GLIS3: variants seen among roughly 807,000 people sequenced by gnomAD.
GLIS3 encodes the protein zinc finger protein GLIS3.
Under a neutral mutation model 78.6 loss-of-function variants are expected in GLIS3, and 53 were observed. The ratio of observed to expected loss-of-function variants is 0.67; its 90% CI spans 0.54 to 0.85. The LOEUF is 0.85. Among genes scored for constraint, GLIS3 ranks in the 40% least tolerant of loss-of-function variants. The probability of loss-of-function intolerance (pLI) is 0.00; values close to 1 mark genes in which losing one functional copy is unlikely to be tolerated. For missense variants in GLIS3, 1,703 were observed against 1,231.1 expected, an observed-to-expected ratio of 1.38 and a Z score of -5.74; for synonymous variants, 684 against 509.9, an observed-to-expected ratio of 1.34 and a Z score of -4.60.
chr9:3,886,778 C>T (rs1035125637), intron 7 of GLIS3, among the ~76,000 whole-genome samples: 1 of 152,126 alleles, frequency 6.6e-6, no homozygotes, highest in Non-Finnish European at 1.5e-5. Flanking sequence ...ATTCACAAAC[C>T]AGAAAGAGAT....
At chr9:3,854,939 T>G (rs931098483) in intron 9 of GLIS3, among the ~76,000 whole-genome samples, 1 of 152,192 alleles carries the variant, frequency 6.6e-6, no homozygotes, top group Admixed American at 6.5e-5. Context: ...TTGATTTAGA[T>G]TTGTTTGTTT....
chr9:4,231,955 T>C (rs1195563203), intron 2 of GLIS3, among the ~76,000 whole-genome samples: 1 of 152,212 alleles, frequency 6.6e-6, no homozygotes, highest in African/African-American at 2.4e-5. Flanking sequence ...AATAGGCAAT[T>C]TGCCCAACCA....
At chr9:4,411,634 A>C in the GLIS3 span, among the ~76,000 whole-genome samples, 12 of 152,266 alleles carry the variant, frequency 7.9e-5, no homozygotes, top group African/African-American at 2.9e-4. Flanking sequence ...TAGAAAATCC[A>C]TATTTTTGAT....
chr9:4,472,558 G>C, the GLIS3 span, among the ~76,000 whole-genome samples: 1 of 148,124 alleles, frequency 6.8e-6, no homozygotes, highest in Non-Finnish European at 1.5e-5. Flanking sequence ...ACTGAACAAT[G>C]AGAACACTTG....
the GLIS3 span, among the ~76,000 whole-genome samples, chr9:4,459,801 C>G: frequency 6.6e-6 from 1 of 151,870 alleles, no homozygotes; most frequent in Non-Finnish European, 1.5e-5. Flanking sequence ...AGAGCAAGAC[C>G]CTGTCTCAAA....
At chr9:4,360,081 A>C in the GLIS3 span, among the ~76,000 whole-genome samples, 16 of 152,010 alleles carry the variant, frequency 1.1e-4, no homozygotes, top group Non-Finnish European at 1.6e-4. Flanking sequence ...CCATCTCCTA[A>C]TGAAGTCATC....
Position 4,118,943 on chromosome 9 carries a change from G to A in GLIS3, c.597-62C>T, listed in dbSNP as rs1831974313. 2.0e-6 allele frequency: 3 copies of A among 1,527,138 alleles called. No homozygotes were observed. Among genetic ancestry groups the A allele is most frequent in the African/African-American group, 2.7e-5 (2 of 73,196 alleles). 94.6% of individuals were successfully genotyped at this position (1,527,138 alleles called of 1,614,324 possible). A position where few individuals can be genotyped will look rare whatever the true frequency, so the allele number is the denominator to read the frequency against. Reference sequence around the variant, plus strand: ...TAAACATTTTAGCAGGATACGGATTGCTTAAGAGCTAAAAGAACACTGCAT... The same window carrying A: ...TAAACATTTTAGCAGGATACGGATTACTTAAGAGCTAAAAGAACACTGCAT... On this transcript the variant is annotated intron_variant, in intron 3 of 10. Coordinates refer to ENST00000381971, the MANE Select transcript of GLIS3 (RefSeq NM_001042413.2). This position sits in a 1 kb window ranked among gnomAD's most constrained non-coding sequence, Gnocchi z 4.7.
At chr9:4,420,773 G>C in the GLIS3 span, among the ~76,000 whole-genome samples, 352 of 152,168 alleles carry the variant, frequency 2.3e-3, 2 homozygotes, top group African/African-American at 8.2e-3. Context: ...TATTACATAG[G>C]TTGAGTATAT....
intron 2 of GLIS3, among the ~76,000 whole-genome samples, chr9:4,129,302 C>T (rs543357124): frequency 2.0e-5 from 3 of 152,278 alleles, no homozygotes; most frequent in African/African-American, 7.2e-5. Flanking sequence ...TTCTCCATGT[C>T]TATGTCTTCT....
chr9:4,284,850 T>C (rs547495142), intron 2 of GLIS3, among the ~76,000 whole-genome samples: 1 of 151,994 alleles, frequency 6.6e-6, no homozygotes, highest in Admixed American at 6.6e-5. Context: ...CCCAGGAGGA[T>C]GAGGCTGCAG....
At chr9:3,881,815 C>T (rs577796432) in intron 7 of GLIS3, among the ~76,000 whole-genome samples, 5 of 152,152 alleles carry the variant, frequency 3.3e-5, no homozygotes, top group African/African-American at 4.8e-5. Flanking sequence ...CTCTATATAT[C>T]GATTTTACCA....
At chr9:4,168,215 A>G (rs1267886185) in intron 2 of GLIS3, among the ~76,000 whole-genome samples, 1 of 152,072 alleles carries the variant, frequency 6.6e-6, no homozygotes, top group Non-Finnish European at 1.5e-5. Flanking sequence ...ACACACATAC[A>G]TACACTTGCC....
chr9:4,301,085 T>C (rs143938640), upstream of GLIS3, among the ~76,000 whole-genome samples: 55 of 152,280 alleles, frequency 3.6e-4, 1 homozygote, highest in African/African-American at 1.2e-3. Flanking sequence ...TAAAAGACTA[T>C]TGGCAGTTTT....
At chr9:4,236,550 C>T (rs540423045) in intron 2 of GLIS3, among the ~76,000 whole-genome samples, 1 of 152,186 alleles carries the variant, frequency 6.6e-6, no homozygotes, top group African/African-American at 2.4e-5. Flanking sequence ...TAGAGGCATA[C>T]CTCATTTTAA....
chr9:4,112,005 T>A (rs1166128752), intron 4 of GLIS3, among the ~76,000 whole-genome samples: 2 of 152,218 alleles, frequency 1.3e-5, no homozygotes, highest in Non-Finnish European at 2.9e-5. Context: ...GTTTTGAAGA[T>A]CATTTTCTAT....
chr9:4,431,167 T>A, the GLIS3 span, among the ~76,000 whole-genome samples: 3 of 152,208 alleles, frequency 2.0e-5, no homozygotes, highest in African/African-American at 7.2e-5. Flanking sequence ...TGGAGCACAT[T>A]CCTGTTTTGA....
intron 7 of GLIS3, among the ~76,000 whole-genome samples, chr9:3,882,433 G>T (rs1391839785): frequency 6.6e-6 from 1 of 152,138 alleles, no homozygotes; most frequent in African/African-American, 2.4e-5. Context: ...AAAGCCAGAG[G>T]GACATGGTGC....
chr9:4,256,784 T>C (rs1294892307), intron 2 of GLIS3, among the ~76,000 whole-genome samples: 6 of 128,724 alleles, frequency 4.7e-5, no homozygotes, highest in African/African-American at 2.8e-5. Context: ...CACAAAAGAG[T>C]ACGGAAGCTC....
chr9:4,111,795 C>A (rs1173154761), intron 4 of GLIS3, among the ~76,000 whole-genome samples: 1 of 152,088 alleles, frequency 6.6e-6, no homozygotes, highest in Non-Finnish European at 1.5e-5. Flanking sequence ...CAGACCGATG[C>A]CTTGTGGGAT....
Sources: allele counts gnomAD v4.1 joint callset (sites outside exome capture counted in the v4.1 genomes callset), GRCh38; gene constraint gnomAD v4.1.1; non-coding constraint Gnocchi (gnomAD v3.1); transcripts MANE v1.5; gene names NCBI Gene and HGNC (gene_info 2026-07-23, HGNC 2026-07-21).